The following UBE2R2 variants were observed in gnomAD, a reference collection of about 807,000 sequenced individuals.
The protein encoded by UBE2R2 is ubiquitin conjugating enzyme E2 R2, also known as ubiquitin-conjugating enzyme E2 R2.
A neutral mutation model predicts 27.8 loss-of-function variants in UBE2R2; 1 was observed. That is an observed-to-expected ratio of 0.04 (90% CI 0.01 to 0.17). The LOEUF (loss-of-function observed/expected upper bound fraction) is 0.17, where lower values mean the gene tolerates loss of function less well. Ranked by LOEUF, UBE2R2 falls within the 10% of genes least tolerant of loss-of-function variation. UBE2R2 has a pLI of 1.00. For missense variants in UBE2R2, 100 were observed against 291.0 expected, an observed-to-expected ratio of 0.34 and a Z score of 4.78; for synonymous variants, 106 against 113.3, an observed-to-expected ratio of 0.94 and a Z score of 0.41.
intron 1 of UBE2R2, among the ~76,000 whole-genome samples, chr9:33,881,307 T>G (rs1275624003): frequency 6.6e-6 from 1 of 152,206 alleles, no homozygotes; most frequent in Non-Finnish European, 1.5e-5. Flanking sequence ...ATGTATTAAT[T>G]AAGGTATAAT....
chr9:33,918,571 A>G lies in UBE2R2; in HGVS notation c.*1334A>G, dbSNP rs769505697. 1 of 152,228 alleles carries G rather than the reference A, an allele frequency of 6.6e-6. No individual in the cohort carries two copies. The highest frequency in any genetic ancestry group is 2.4e-5 in the African/African-American group (1 of 41,422). The allele number at this position is 152,228 out of a possible 1,614,324, so 9.4% of individuals were successfully genotyped here. On this transcript the variant is annotated 3_prime_UTR_variant, in exon 5 of 5. Coordinates refer to ENST00000263228, the MANE Select transcript of UBE2R2 (RefSeq NM_017811.4). ...AGATCTCAATCGTGTTGCTTCAATC[A>G]ATATTGAGATCCAGCAGCCTTCACC...
chr9:33,902,059 A>G (rs1453340096), intron 3 of UBE2R2, among the ~76,000 whole-genome samples: 1 of 151,868 alleles, frequency 6.6e-6, no homozygotes, highest in East Asian at 1.9e-4. Flanking sequence ...GACCACAGGC[A>G]TGCATCACGG....
At chr9:33,913,105 C>T (rs1016785201) in intron 4 of UBE2R2, among the ~76,000 whole-genome samples, 5 of 151,146 alleles carry the variant, frequency 3.3e-5, no homozygotes, top group South Asian at 2.1e-4. Flanking sequence ...GGATTATAGG[C>T]GCCTACCACC....
chr9:33,877,786 G>C (rs79279645), intron 1 of UBE2R2, among the ~76,000 whole-genome samples: 2,262 of 131,270 alleles, frequency 0.017, 49 homozygotes, highest in African/African-American at 0.068. Context: ...CAGCCTTCAT[G>C]ATTTTTGCCC....
At chr9:33,894,837 C>CA (rs1239741597) in intron 2 of UBE2R2, among the ~76,000 whole-genome samples, 4 of 152,130 alleles carry the variant, frequency 2.6e-5, no homozygotes, top group Non-Finnish European at 5.9e-5. Context: ...GTAGAGGCTG[C>CA]AGTGAGCTGA....
intron 1 of UBE2R2, among the ~76,000 whole-genome samples, chr9:33,877,028 C>T (rs1047022237): frequency 3.3e-5 from 5 of 152,008 alleles, no homozygotes; most frequent in African/African-American, 4.8e-5. Flanking sequence ...CCTGTAATCC[C>T]AGCTACTCCA....
intron 3 of UBE2R2, among the ~76,000 whole-genome samples, chr9:33,909,667 C>T (rs1822442442): frequency 6.6e-6 from 1 of 152,124 alleles, no homozygotes; most frequent in Admixed American, 6.5e-5. Context: ...GATCTGCCCA[C>T]CTCGGCCTCC....
chr9:33,896,992 C>T, intron 2 of UBE2R2, among the ~76,000 whole-genome samples: 1 of 140,908 alleles, frequency 7.1e-6, no homozygotes, highest in Middle Eastern at 3.8e-3. Context: ...ATATATTACG[C>T]TCTGAACCAA....
intron 2 of UBE2R2, among the ~76,000 whole-genome samples, chr9:33,898,079 T>C (rs898536381): frequency 5.3e-5 from 8 of 150,202 alleles, no homozygotes; most frequent in Admixed American, 4.6e-4. Context: ...CCGGCTCTCT[T>C]CTTTTTGTTT....
chr9:33,871,745 C>T (rs1821489519), intron 1 of UBE2R2, among the ~76,000 whole-genome samples: 1 of 152,202 alleles, frequency 6.6e-6, no homozygotes, highest in Non-Finnish European at 1.5e-5. Flanking sequence ...GAGTCTCGCT[C>T]TGTCGCCCAG....
chr9:33,817,220 T>C lies in UBE2R2; in HGVS notation c.-538T>C, dbSNP rs1225479888. On this transcript the variant is annotated 5_prime_UTR_variant, in exon 1 of 5. Coordinates refer to ENST00000263228, the MANE Select transcript of UBE2R2 (RefSeq NM_017811.4). ...CTCTCGCTCTCCTCCTCCTCCGCCG[T>C]CGCCCCTCCCCCCGCGCAGCCCCCG... Among the ~76,000 whole-genome samples, 6 of 141,944 alleles carry C rather than the reference T, an allele frequency of 4.2e-5. No homozygotes were observed. The highest frequency in any genetic ancestry group is 1.6e-4 in the African/African-American group (6 of 38,376). 93.1% of individuals were successfully genotyped at this position (141,944 alleles called of 152,430 possible).
intron 2 of UBE2R2, among the ~76,000 whole-genome samples, chr9:33,894,518 C>G (rs757684998): frequency 1.9e-4 from 29 of 152,068 alleles, no homozygotes; most frequent in Non-Finnish European, 3.8e-4. Context: ...ACTGCAGCCT[C>G]AAACTCCTAG....
At chr9:33,887,677 TGTTTGTTTG>T (rs1385590872) in intron 2 of UBE2R2, among the ~76,000 whole-genome samples, 1 of 152,074 alleles carries the variant, frequency 6.6e-6, no homozygotes, top group East Asian at 1.9e-4. Flanking sequence ...TTTGTTTGTT[TGTTTGTTTG>T]TTTTTGAGAC....
At chr9:33,883,817 T>TA (rs1338005631) in intron 1 of UBE2R2, among the ~76,000 whole-genome samples, 1 of 151,840 alleles carries the variant, frequency 6.6e-6, no homozygotes, top group Non-Finnish European at 1.5e-5. Context: ...GCTCAGCACT[T>TA]AATTTTTTTT....
chr9:33,856,574 C>T (rs1446517619), intron 1 of UBE2R2, among the ~76,000 whole-genome samples: 1 of 152,090 alleles, frequency 6.6e-6, no homozygotes, highest in Non-Finnish European at 1.5e-5. Flanking sequence ...CTTCCTTTAT[C>T]TTTCCCATTA....
chr9:33,890,136 T>C (rs1821946032), intron 2 of UBE2R2, among the ~76,000 whole-genome samples: 1 of 152,074 alleles, frequency 6.6e-6, no homozygotes, highest in African/African-American at 2.4e-5. Context: ...CCTTTCCACT[T>C]TTTTTTCAGT....
At chr9:33,822,741 A>G (rs529954543) in intron 1 of UBE2R2, among the ~76,000 whole-genome samples, 1 of 151,346 alleles carries the variant, frequency 6.6e-6, no homozygotes, top group East Asian at 2.0e-4. Flanking sequence ...TTTTTTTTTT[A>G]ATAAGAGAAT....
Position 33,830,565 on chromosome 9 carries a change from G to A in UBE2R2, c.177+12631G>A, listed in dbSNP as rs566670357. Reference sequence around the variant, plus strand: ...GCAGATCACCTGAGGTCAGGAGTTCGAGACCAGCCTGACCAACATCGTGAA... The same window carrying A: ...GCAGATCACCTGAGGTCAGGAGTTCAAGACCAGCCTGACCAACATCGTGAA... On this transcript the variant is annotated intron_variant, in intron 1 of 4. Coordinates refer to ENST00000263228, the MANE Select transcript of UBE2R2 (RefSeq NM_017811.4). Among the ~76,000 whole-genome samples the A allele has an allele frequency of 3.7e-4, 56 of 149,762 alleles. 1 individual carries two copies. The South Asian group carries it at 9.6e-3, about 26-fold the overall frequency.
chr9:33,865,045 G>C (rs1303474555), intron 1 of UBE2R2, among the ~76,000 whole-genome samples: 1 of 150,918 alleles, frequency 6.6e-6, no homozygotes, highest in Non-Finnish European at 1.5e-5. Context: ...TGTTTTTGTA[G>C]AGATGGGGTC....
Sources: allele counts gnomAD v4.1 joint callset (sites outside exome capture counted in the v4.1 genomes callset), GRCh38; gene constraint gnomAD v4.1.1; transcripts MANE v1.5; gene names NCBI Gene and HGNC (gene_info 2026-07-23, HGNC 2026-07-21).